ZFYVE28: variants seen among roughly 807,000 people sequenced by gnomAD.
ZFYVE28 encodes the protein zinc finger FYVE-type containing 28.
Under a neutral mutation model 82.1 loss-of-function variants are expected in ZFYVE28, and 40 were observed. That is an observed-to-expected ratio of 0.49 (90% confidence interval 0.38 to 0.63). The LOEUF is 0.63. Ranked by LOEUF, ZFYVE28 falls within the 30% of genes least tolerant of loss-of-function variation. The pLI is 0.00. For synonymous variants in ZFYVE28, 612 were observed against 546.1 expected, an observed-to-expected ratio of 1.12 and a Z score of -1.68; for missense variants, 1,321 against 1,242.1, an observed-to-expected ratio of 1.06 and a Z score of -0.96.
intron 7 of ZFYVE28, among the ~76,000 whole-genome samples, chr4:2,309,189 T>C (rs1165974132): frequency 6.6e-6 from 1 of 152,208 alleles, no homozygotes; most frequent in African/African-American, 2.4e-5. Flanking sequence ...TGTCATGAAG[T>C]GAGGTTGCCT....
intron 1 of ZFYVE28, among the ~76,000 whole-genome samples, chr4:2,370,008 G>A (rs895767198): frequency 2.0e-5 from 3 of 151,514 alleles, no homozygotes; most frequent in African/African-American, 7.3e-5. Context: ...GCATCACCAA[G>A]CTCGACTAAT....
chr4:2,415,110 A>G (rs1732894597), intron 1 of ZFYVE28, among the ~76,000 whole-genome samples: 1 of 152,212 alleles, frequency 6.6e-6, no homozygotes, highest in Non-Finnish European at 1.5e-5. Flanking sequence ...TATAATTTGC[A>G]AATGTCATTT....
chr4:2,305,267 G>A lies in ZFYVE28; in HGVS notation c.1073C>T (p.Ser358Phe), dbSNP rs1307176810. The A allele has an allele frequency of 3.7e-6, 6 of 1,612,988 alleles. No homozygotes were observed. The highest frequency in any genetic ancestry group is 5.1e-6 in the Non-Finnish European group (6 of 1,179,946). Reference protein sequence around the residue: ...MVHRAGDEMSSLLSPPIACQS... With the variant: ...MVHRAGDEMSFLLSPPIACQS... The stretch of plus-strand genomic sequence containing the variant: ...GCAGGCAATGGGCGGTGAAAGCAAA[G>A]AGGACATCTCGTCCCCCGCCCTGTG... Residue 358 changes from serine to phenylalanine, a missense_variant, in exon 8 of 13, where the codon TCT becomes TTT. Physicochemically the swap from Ser to Phe is radical, Grantham distance 155. Around this residue, in one of 2 missense-constraint regions of ZFYVE28, gnomAD observed 978 missense variants for 833.7 expected, o/e 1.17. Coordinates refer to ENST00000290974, the MANE Select transcript of ZFYVE28 (RefSeq NM_020972.3).
chr4:2,417,645 G>C lies in ZFYVE28; in HGVS notation c.39+640C>G, dbSNP rs541799046. On this transcript the variant is annotated intron_variant, in intron 1 of 12. Coordinates refer to ENST00000290974, the MANE Select transcript of ZFYVE28 (RefSeq NM_020972.3). The surrounding 1 kb of genome is among the most constrained non-coding windows in gnomAD (Gnocchi z 4.8). ...GGACAAGGGAGGGGACGCGAACTGG[G>C]CCGAGGTGTGGGTCAGTCCTGGTTC... Among the ~76,000 whole-genome samples the C allele has an allele frequency of 6.6e-6, 1 of 152,066 alleles. No homozygotes were observed. The highest frequency in any genetic ancestry group is 1.5e-5 in the Non-Finnish European group (1 of 67,984).
At chr4:2,374,874 C>T (rs1482483447) in intron 1 of ZFYVE28, among the ~76,000 whole-genome samples, 3 of 152,176 alleles carry the variant, frequency 2.0e-5, no homozygotes, top group Non-Finnish European at 4.4e-5. Flanking sequence ...ATGCCACATT[C>T]GGCTCCTCCT....
intron 1 of ZFYVE28, among the ~76,000 whole-genome samples, chr4:2,398,054 C>T (rs919557308): frequency 7.3e-5 from 11 of 151,246 alleles, no homozygotes; most frequent in Non-Finnish European, 1.6e-4. Context: ...TCCTGGCAGA[C>T]GTCCACATGG....
chr4:2,343,385 C>T (rs1171518603), intron 2 of ZFYVE28: 2 of 152,174 alleles, frequency 1.3e-5, no homozygotes. Context: ...CGAAAACTCA[C>T]TATGAGTGGG....
Position 2,374,995 on chromosome 4 carries a change from A to G in ZFYVE28, c.40-20922T>C, listed in dbSNP as rs371907775. On this transcript the variant is annotated intron_variant, in intron 1 of 12. Transcript: ENST00000290974. ...CCTGTGGAAGACCCTGAGGTTCCAG[A>G]CAGAATCCTCCTAAGTCCTTGTCTT... is the stretch of plus-strand genomic sequence containing the variant. 1.2e-4 allele frequency among the ~76,000 whole-genome samples: 19 copies of G among 152,314 alleles called. No individual in the cohort carries two copies. In the East Asian group the frequency reaches 1.9e-3, roughly 15 times the overall value.
chr4:2,294,054 C>T (rs1305893071), intron 8 of ZFYVE28, among the ~76,000 whole-genome samples: 1 of 149,774 alleles, frequency 6.7e-6, no homozygotes, highest in Non-Finnish European at 1.5e-5. Context: ...CTACATAATC[C>T]CAATCAAAAT....
At chr4:2,280,856 G>C (rs1711866920) in intron 8 of ZFYVE28, among the ~76,000 whole-genome samples, 1 of 152,228 alleles carries the variant, frequency 6.6e-6, no homozygotes, top group Admixed American at 6.5e-5. Flanking sequence ...AGCTGGGAAG[G>C]CTATCTGGAC....
intron 6 of ZFYVE28, among the ~76,000 whole-genome samples, chr4:2,321,986 C>T (rs555267034): frequency 1.3e-5 from 2 of 152,152 alleles, no homozygotes; most frequent in South Asian, 2.1e-4. Context: ...AAGGCTGCTG[C>T]GCCACTTCCT....
chr4:2,282,329 C>G (rs1712072561), intron 8 of ZFYVE28, among the ~76,000 whole-genome samples: 1 of 152,218 alleles, frequency 6.6e-6, no homozygotes, highest in African/African-American at 2.4e-5. Context: ...ACAGTCACAT[C>G]AATACCAAAG....
At chr4:2,396,122 C>T (rs1246005382) in intron 1 of ZFYVE28, among the ~76,000 whole-genome samples, 13 of 110,876 alleles carry the variant, frequency 1.2e-4, no homozygotes, top group Non-Finnish European at 1.6e-4. Flanking sequence ...AGAGGGGCCA[C>T]AAGGCGGGGT....
chr4:2,399,401 C>A (rs1311738682), intron 1 of ZFYVE28, among the ~76,000 whole-genome samples: 1 of 152,214 alleles, frequency 6.6e-6, no homozygotes, highest in East Asian at 1.9e-4. Context: ...CCGTGACTTG[C>A]CTAGACTGTG....
At chr4:2,384,257 C>G (rs1436371602) in intron 1 of ZFYVE28, among the ~76,000 whole-genome samples, 3 of 152,202 alleles carry the variant, frequency 2.0e-5, no homozygotes, top group African/African-American at 7.2e-5. Flanking sequence ...AAGAAACTTT[C>G]TGGAAGGAAT....
At chr4:2,344,511 A>G (rs1257083930) in intron 2 of ZFYVE28, among the ~76,000 whole-genome samples, 1 of 152,236 alleles carries the variant, frequency 6.6e-6, no homozygotes, top group Non-Finnish European at 1.5e-5. Context: ...AAGTAACTAA[A>G]CTACATCACG....
rs747267403 is a variant in ZFYVE28, at chr4:2,305,215, C to T, written c.1125G>A (p.Ala375=). The change falls in exon 8 of 13, where the codon GCG becomes GCA. Residue 375 remains alanine, a synonymous_variant. Coordinates refer to ENST00000290974, the MANE Select transcript of ZFYVE28 (RefSeq NM_020972.3). ...ACQSPAHRPG[A]EGSPGGEASP... ...AGGCCTCCCCGCCTGGGCTGCCCTC[C>T]GCTCCTGGCCTGTGAGCTGGGGACT... The T allele has an allele frequency of 1.1e-5, 18 of 1,607,166 alleles. No homozygotes were observed. The highest frequency in any genetic ancestry group is 5.3e-5 in the African/African-American group (4 of 74,852).
intron 1 of ZFYVE28, among the ~76,000 whole-genome samples, chr4:2,354,856 A>T (rs528627783): frequency 6.6e-6 from 1 of 152,266 alleles, no homozygotes; most frequent in African/African-American, 2.4e-5. Context: ...ACAGTGCATC[A>T]TAAACCATTT....
At chr4:2,358,903 G>A (rs376652551) in intron 1 of ZFYVE28, among the ~76,000 whole-genome samples, 2 of 151,730 alleles carry the variant, frequency 1.3e-5, no homozygotes, top group Non-Finnish European at 2.9e-5. Context: ...CTGGGTTCAA[G>A]TGATCCTCCC....
Sources: allele counts gnomAD v4.1 joint callset (sites outside exome capture counted in the v4.1 genomes callset), GRCh38; gene constraint gnomAD v4.1.1; regional missense constraint gnomAD v4.1.1; non-coding constraint Gnocchi (gnomAD v3.1); transcripts MANE v1.5; gene names NCBI Gene and HGNC (gene_info 2026-07-23, HGNC 2026-07-21).